PPARGC1B: variants seen among roughly 807,000 people sequenced by gnomAD.
PPARGC1B encodes the protein peroxisome proliferator-activated receptor gamma coactivator 1-beta.
Under a neutral mutation model 101.6 loss-of-function variants are expected in PPARGC1B, and 34 were observed. That is an observed-to-expected ratio of 0.33 (90% confidence interval 0.25 to 0.45). PPARGC1B has a LOEUF of 0.45. Ranked by LOEUF, PPARGC1B falls within the 20% of genes least tolerant of loss-of-function variation. PPARGC1B has a pLI of 1.00. For missense variants in PPARGC1B, 1,234 were observed against 1,317.6 expected (o/e 0.94, Z 0.98); for synonymous variants, 548 against 539.3 (o/e 1.02, Z -0.22).
At chr5:149,788,737 T>C (rs1756900159) in intron 1 of PPARGC1B, among the ~76,000 whole-genome samples, 1 of 152,192 alleles carries the variant, frequency 6.6e-6, no homozygotes, top group South Asian at 2.1e-4. Context: ...CATGGAATAC[T>C]ATGCAGCCAT....
intron 1 of PPARGC1B, among the ~76,000 whole-genome samples, chr5:149,733,768 A>C (rs1178704448): frequency 6.6e-6 from 1 of 152,260 alleles, no homozygotes; most frequent in East Asian, 1.9e-4. Context: ...CAGCAAGTCC[A>C]CACTAAATAT....
At chr5:149,820,932 G>A (rs1376060136) in intron 2 of PPARGC1B, among the ~76,000 whole-genome samples, 6 of 151,924 alleles carry the variant, frequency 3.9e-5, no homozygotes, top group African/African-American at 7.3e-5. Context: ...TCCAGTCTTC[G>A]TCCCCACCCT....
In PPARGC1B at chr5:149,833,781, A is replaced by G; in HGVS notation, c.1705+3A>G. The G allele has an allele frequency of 1.3e-6, 2 of 1,507,242 alleles. No individual in the cohort carries two copies. The highest frequency in any genetic ancestry group is 1.8e-6 in the Non-Finnish European group (2 of 1,132,682). The allele number at this position is 1,507,242 out of a possible 1,614,324, so 93.4% of individuals were successfully genotyped here. ...CTGCCCGCAGCTCCCTCCCAGAGGT[A>G]GTCAGAGTTGGTGGTCTGCGAAGTG... On this transcript the variant is annotated splice_donor_region_variant and intron_variant, in intron 5 of 11. Transcript: ENST00000309241. This position sits in a 1 kb window ranked among gnomAD's most constrained non-coding sequence, Gnocchi z 4.1.
intron 1 of PPARGC1B, chr5:149,817,736 G>A (rs1352887232): frequency 2.2e-6 from 1 of 456,720 alleles, no homozygotes; most frequent in East Asian, 6.9e-5. Flanking sequence ...GTTGGAGAGG[G>A]TGCAGAAGAA....
chr5:149,808,942 A>G (rs184622229), intron 1 of PPARGC1B, among the ~76,000 whole-genome samples: 2 of 152,214 alleles, frequency 1.3e-5, no homozygotes, highest in African/African-American at 2.4e-5. Context: ...CTGCATAGCA[A>G]TGTGGGTGTA....
intron 7 of PPARGC1B, among the ~76,000 whole-genome samples, chr5:149,835,648 CT>C (rs1177975814): frequency 1.3e-5 from 2 of 152,246 alleles, no homozygotes; most frequent in Admixed American, 6.5e-5. Context: ...TGCCTGCCCC[CT>C]CTCCGTCATG....
In PPARGC1B at chr5:149,730,721, A is replaced by C. The variant is rs761203075; in HGVS notation, c.78+301A>C. On this transcript the variant is annotated intron_variant, in intron 1 of 11. Transcript: ENST00000309241. This position sits in a 1 kb window ranked among gnomAD's most constrained non-coding sequence, Gnocchi z 4.0. ...TGGGGGGTACCGCGCTTCCTTTGGG[A>C]GGTGGAGGCGCGCCACGGTGTGGGG... is the stretch of plus-strand genomic sequence containing the variant. Among the ~76,000 whole-genome samples the C allele has an allele frequency of 6.6e-6, 1 of 151,962 alleles. No homozygotes were observed. The highest frequency in any genetic ancestry group is 1.5e-5 in the Non-Finnish European group (1 of 67,954).
intron 1 of PPARGC1B, among the ~76,000 whole-genome samples, chr5:149,745,248 T>C (rs1434548947): frequency 2.0e-5 from 3 of 152,186 alleles, no homozygotes; most frequent in Non-Finnish European, 2.9e-5. Context: ...AGATAGCTGC[T>C]CTGTGCTCTA....
At chr5:149,769,959 C>T (rs1756064013) in intron 1 of PPARGC1B, among the ~76,000 whole-genome samples, 1 of 152,118 alleles carries the variant, frequency 6.6e-6, no homozygotes, top group African/African-American at 2.4e-5. Flanking sequence ...GGCAGAGTCC[C>T]TTTTGCCCTG....
chr5:149,781,220 AG>A, intron 1 of PPARGC1B, among the ~76,000 whole-genome samples: 2 of 150,766 alleles, frequency 1.3e-5, no homozygotes, highest in African/African-American at 4.9e-5. Context: ...AAAAAAAAAA[AG>A]AAGCAGCTTT....
chr5:149,819,875 T>A (rs1206049512), intron 1 of PPARGC1B, among the ~76,000 whole-genome samples: 1 of 152,248 alleles, frequency 6.6e-6, no homozygotes, highest in Non-Finnish European at 1.5e-5. Context: ...ATCATATATG[T>A]AATTTTATGT....
At chr5:149,760,877 A>G (rs1306914004) in intron 1 of PPARGC1B, among the ~76,000 whole-genome samples, 1 of 152,262 alleles carries the variant, frequency 6.6e-6, no homozygotes, top group East Asian at 1.9e-4. Flanking sequence ...CATCTTGAAG[A>G]AAAGTCTCCT....
intron 1 of PPARGC1B, among the ~76,000 whole-genome samples, chr5:149,736,786 A>G (rs770096414): frequency 7.2e-5 from 11 of 151,996 alleles, no homozygotes; most frequent in Non-Finnish European, 1.5e-4. Context: ...TTTTAGAACA[A>G]TTTCAGGTTC....
In PPARGC1B at chr5:149,833,188, G is replaced by C; in HGVS notation, c.1115G>C (p.Arg372Pro). The stretch of plus-strand genomic sequence containing the variant: ...CCTGTTTATGCCTCCCTCACACCTC[G>C]GTCAAGGCCCAGGCCCCCCAAAGAC... ...ATPVYASLTP[R>P]SRPRPPKDSQ... is the part of the protein sequence containing the mutation. Residue 372 changes from arginine (R) to proline (P), a missense_variant, in exon 5 of 12, where the codon CGG becomes CCG. By Grantham distance (103) the Arg-to-Pro change is moderately radical (BLOSUM62 -2). Transcript: ENST00000309241. This position sits in a 1 kb window ranked among gnomAD's most constrained non-coding sequence, Gnocchi z 4.1. The C allele has an allele frequency of 6.2e-7, 1 of 1,613,386 alleles. No homozygotes were observed. The highest frequency in any genetic ancestry group is 8.5e-7 in the Non-Finnish European group (1 of 1,180,032).
chr5:149,803,142 A>AAT (rs1176443768), intron 1 of PPARGC1B, among the ~76,000 whole-genome samples: 1 of 152,112 alleles, frequency 6.6e-6, no homozygotes, highest in African/African-American at 2.4e-5. Context: ...CCAGTGCTGG[A>AAT]ATATGGGGGA....
chr5:149,811,061 G>A (rs183424828), intron 1 of PPARGC1B, among the ~76,000 whole-genome samples: 21 of 152,210 alleles, frequency 1.4e-4, no homozygotes, highest in African/African-American at 4.1e-4. Flanking sequence ...CAGATAAAGC[G>A]CAAAATTGTG....
At chr5:149,732,499 A>G (rs1754539195) in intron 1 of PPARGC1B, among the ~76,000 whole-genome samples, 1 of 152,258 alleles carries the variant, frequency 6.6e-6, no homozygotes, top group South Asian at 2.1e-4. Context: ...CCTAGCTAGC[A>G]GAAATATTTC....
rs1756724182 is a variant in PPARGC1B at position 149,784,583 on chromosome 5, T to TTTTTTTTTTTTTTC, written c.79-35850_79-35849insTTTTTTTTTTTTTC. Among the ~76,000 whole-genome samples the TTTTTTTTTTTTTTC allele has an allele frequency of 2.8e-5, 3 of 108,500 alleles. 1 individual carries two copies. Among genetic ancestry groups the TTTTTTTTTTTTTTC allele is most frequent in the Non-Finnish European group, 5.6e-5 (3 of 53,886 alleles). The allele number at this position is 108,500 out of a possible 152,430, so 71.2% of individuals were successfully genotyped here. ...TTCTTTTTTTTTTTTTTTTTTTTTT[T>TTTTTTTTTTTTTTC]CTGAGGTGGAGTCTCGCTCTGTCGC... On this transcript the variant is annotated intron_variant, in intron 1 of 11. Coordinates refer to ENST00000309241, the MANE Select transcript of PPARGC1B (RefSeq NM_133263.4).
rs190151814 is a variant in PPARGC1B at position 149,831,781 on chromosome 5, G to A, written c.583-875G>A. Among the ~76,000 whole-genome samples, 87 of 152,324 alleles carry A rather than the reference G, an allele frequency of 5.7e-4. No homozygotes were observed. In the East Asian group the frequency reaches 0.015, roughly 27 times the overall value. ...GGGGAAAGCCCCAGTGTGGACAAGC[G>A]GGGCGAATAAGACTGGAGAGGTTGG... On this transcript the variant is annotated intron_variant, in intron 4 of 11. Coordinates refer to ENST00000309241, the MANE Select transcript of PPARGC1B (RefSeq NM_133263.4).
Sources: gnomAD v4.1 joint callset for allele counts (sites outside exome capture counted in the v4.1 genomes callset) on GRCh38, gnomAD v4.1.1 for gene constraint, Gnocchi (gnomAD v3.1) non-coding constraint, MANE v1.5 for transcripts, NCBI Gene and HGNC (gene_info 2026-07-23, HGNC 2026-07-21) for gene names.